Variants in PPP2R2B observed in about 807,000 individuals in gnomAD.
PPP2R2B encodes protein phosphatase 2 regulatory subunit Bbeta.
In PPP2R2B, 5 loss-of-function variants were observed where a neutral mutation model predicts 46.0. That is an observed-to-expected ratio of 0.11 (90% CI 0.06 to 0.23). PPP2R2B has a LOEUF of 0.23. Among genes scored for constraint, PPP2R2B ranks in the 10% least tolerant of loss-of-function variants. PPP2R2B has a pLI of 1.00. For synonymous variants in PPP2R2B, 215 were observed against 206.7 expected, an observed-to-expected ratio of 1.04 and a Z score of -0.34; for missense variants, 367 against 575.0, an observed-to-expected ratio of 0.64 and a Z score of 3.70.
chr5:146,914,952 C>T (rs1763326717), intron 1 of PPP2R2B, among the ~76,000 whole-genome samples: 1 of 152,160 alleles, frequency 6.6e-6, no homozygotes, highest in South Asian at 2.1e-4. Flanking sequence ...AGGTCATTTT[C>T]ATAAAGATGT....
chr5:146,781,131 G>GATATATATAT (rs56697862), intron 2 of PPP2R2B, among the ~76,000 whole-genome samples: 1,267 of 49,162 alleles, frequency 0.026, 93 homozygotes, highest in Non-Finnish European at 0.033. Flanking sequence ...ATGCCACCAT[G>GATATATATAT]ATATATATAT....
intron 2 of PPP2R2B, among the ~76,000 whole-genome samples, chr5:146,840,313 C>T (rs536550402): frequency 2.6e-4 from 40 of 152,088 alleles, no homozygotes; most frequent in Non-Finnish European, 4.4e-4. Flanking sequence ...AAGTTAATTA[C>T]CCCTTGGAAT....
intron 1 of PPP2R2B, among the ~76,000 whole-genome samples, chr5:146,899,253 A>G (rs1762744960): frequency 6.8e-6 from 1 of 147,504 alleles, no homozygotes; most frequent in East Asian, 2.1e-4. Flanking sequence ...GACTGGATTA[A>G]GAAAATGTGG....
chr5:146,952,937 G>A (rs890185688), intron 1 of PPP2R2B, among the ~76,000 whole-genome samples: 4 of 152,016 alleles, frequency 2.6e-5, no homozygotes, highest in African/African-American at 4.8e-5. Flanking sequence ...GAGGGGTAGG[G>A]GACTAAAATC....
chr5:147,081,276 G>A (rs1416733715), exon 1 of PPP2R2B: 2 of 1,535,680 alleles, frequency 1.3e-6, no homozygotes, highest in Non-Finnish European at 1.7e-6. Context: ...TCTCGTCAGA[G>A]AAGAGACCCT....
chr5:146,824,740 T>C (rs1017548402), intron 2 of PPP2R2B, among the ~76,000 whole-genome samples: 3 of 95,470 alleles, frequency 3.1e-5, no homozygotes, highest in African/African-American at 1.2e-4. Flanking sequence ...AATCAATACT[T>C]TTTTTTTTTT....
intron 1 of PPP2R2B, among the ~76,000 whole-genome samples, chr5:147,018,659 G>A (rs1433689844): frequency 6.6e-6 from 1 of 152,082 alleles, no homozygotes; most frequent in African/African-American, 2.4e-5. Context: ...GACCTGGAGA[G>A]GACTGGAACA....
chr5:146,793,946 G>A (rs1337821654), intron 2 of PPP2R2B, among the ~76,000 whole-genome samples: 2 of 152,144 alleles, frequency 1.3e-5, no homozygotes, highest in African/African-American at 2.4e-5. Flanking sequence ...AGCTTTCTAG[G>A]TGACCATGCC....
At chr5:146,766,376 A>G (rs924659787) in intron 2 of PPP2R2B, among the ~76,000 whole-genome samples, 2 of 152,194 alleles carry the variant, frequency 1.3e-5, no homozygotes, top group Admixed American at 6.5e-5. Context: ...ATCACTCCCT[A>G]CAATATTCCA....
In PPP2R2B at chr5:146,878,278, A is replaced by G. The variant is rs1762020751; in HGVS notation, c.-124-83T>C. 6.8e-7 allele frequency: 1 copy of G among 1,464,218 alleles called. No individual in the cohort carries two copies. Among genetic ancestry groups the G allele is most frequent in the South Asian group, 1.4e-5 (1 of 70,860 alleles). 90.7% of individuals were successfully genotyped at this position (1,464,218 alleles called of 1,614,324 possible). A position where few individuals can be genotyped will look rare whatever the true frequency, so the allele number is the denominator to read the frequency against. On this transcript the variant is annotated intron_variant, in intron 1 of 9. Transcript: ENST00000394411. The surrounding 1 kb of genome is among the most constrained non-coding windows in gnomAD (Gnocchi z 4.5). ...TCACCTCCTCCACTCGGGTTCTGCG[A>G]GGCTGCGGCGGCTCCTCCCGCGCGG...
intron 7 of PPP2R2B, among the ~76,000 whole-genome samples, chr5:146,604,110 G>C (rs1209546480): frequency 6.6e-6 from 1 of 152,222 alleles, no homozygotes; most frequent in African/African-American, 2.4e-5. Flanking sequence ...CTCCTAGTGA[G>C]CTCACAGGAT....
chr5:147,023,773 G>A (rs1456192853), intron 1 of PPP2R2B, among the ~76,000 whole-genome samples: 1 of 152,068 alleles, frequency 6.6e-6, no homozygotes, highest in Non-Finnish European at 1.5e-5. Flanking sequence ...AGTAGACTGA[G>A]TAAAGAAGAT....
chr5:146,648,112 G>A (rs1775706677), intron 6 of PPP2R2B, among the ~76,000 whole-genome samples: 1 of 152,220 alleles, frequency 6.6e-6, no homozygotes, highest in Admixed American at 6.5e-5. Context: ...TTCCTAGGCT[G>A]CCTTGCAGTT....
At chr5:147,060,647 C>A (rs371944999), upstream of PPP2R2B, among the ~76,000 whole-genome samples, 228 of 152,010 alleles carry the variant, frequency 1.5e-3, no homozygotes, top group African/African-American at 5.3e-3. Flanking sequence ...AAAGAAACAA[C>A]AAAAAAACAA....
At chr5:147,077,293 C>CACACAG (rs1187884962) in intron 2 of PPP2R2B, among the ~76,000 whole-genome samples, 66 of 147,492 alleles carry the variant, frequency 4.5e-4, no homozygotes, top group African/African-American at 1.6e-3. Context: ...CACACACACA[C>CACACAG]ACACACACAC....
intron 2 of PPP2R2B, among the ~76,000 whole-genome samples, chr5:146,788,357 C>T (rs951302314): frequency 6.7e-6 from 1 of 149,202 alleles, no homozygotes; most frequent in Non-Finnish European, 1.5e-5. Context: ...AAAAAGGGAA[C>T]AGTAACCTCC....
At chr5:146,960,770 A>G (rs951130298) in intron 1 of PPP2R2B, among the ~76,000 whole-genome samples, 13 of 152,178 alleles carry the variant, frequency 8.5e-5, no homozygotes, top group African/African-American at 3.1e-4. Flanking sequence ...TTTGAGGAAA[A>G]GTAGTAACTT....
chr5:147,006,368 G>A (rs1754442291), intron 1 of PPP2R2B, among the ~76,000 whole-genome samples: 1 of 152,112 alleles, frequency 6.6e-6, no homozygotes, highest in Admixed American at 6.5e-5. Context: ...AAGAATAATT[G>A]GAATCCCAAA....
chr5:146,706,527 A>G, intron 2 of PPP2R2B: 2 of 1,175,372 alleles, frequency 1.7e-6, no homozygotes, highest in Non-Finnish European at 2.5e-6. Flanking sequence ...CTGCCGCGCC[A>G]TGTCCTACTT....
Sources: allele counts gnomAD v4.1 joint callset (sites outside exome capture counted in the v4.1 genomes callset), GRCh38; gene constraint gnomAD v4.1.1; non-coding constraint Gnocchi (gnomAD v3.1); transcripts MANE v1.5; gene names NCBI Gene and HGNC (gene_info 2026-07-23, HGNC 2026-07-21).